Variants in ZNF534 observed in about 807,000 individuals in gnomAD.
The protein encoded by ZNF534 is zinc finger protein 534.
Under a neutral mutation model 13.6 loss-of-function variants are expected in ZNF534, and 19 were observed. The observed-to-expected ratio is 1.40, with a 90% confidence interval of 0.97 to 2.05. The LOEUF is 2.05. Among genes scored for constraint, ZNF534 ranks in the 30% most tolerant of loss-of-function variants. The pLI is 0.00. For missense variants in ZNF534, 782 were observed against 796.3 expected, an observed-to-expected ratio of 0.98 and a Z score of 0.22; for synonymous variants, 244 against 273.8, an observed-to-expected ratio of 0.89 and a Z score of 1.07.
chr19:52,442,008 G>A lies in ZNF534; in HGVS notation c.*2562G>A, dbSNP rs1264345147. ...AAATCATATAAATGTAATGTATGTGGCACAGGCTTTCCTGAGGCCTGCCAA... is the reference window on the plus strand; with the variant it reads ...AAATCATATAAATGTAATGTATGTGACACAGGCTTTCCTGAGGCCTGCCAA... On this transcript the variant is annotated 3_prime_UTR_variant, in exon 5 of 5. Transcript: ENST00000433050. Among the ~76,000 whole-genome samples, 5 of 151,618 alleles carry A rather than the reference G, an allele frequency of 3.3e-5. No individual in the cohort carries two copies. The highest frequency in any genetic ancestry group is 1.3e-4 in the Admixed American group (2 of 15,132).
rs773282959 is a variant in ZNF534, at chr19:52,437,806, C to T, written c.346C>T (p.His116Tyr). The T allele has an allele frequency of 5.0e-6, 8 of 1,612,874 alleles. No homozygotes were observed. Among genetic ancestry groups the T allele is most frequent in the South Asian group, 2.2e-5 (2 of 90,856 alleles). Residue 116 changes from histidine (H) to tyrosine (Y), a missense_variant, in exon 5 of 5, where the codon CAT becomes TAT. Physicochemically the swap from His to Tyr is moderately conservative, Grantham distance 83. Transcript: ENST00000433050. ...TCAACATGGATTAACTCTTCAGTTACATCTGACTGAATGGCAGCCATTTCA... is the reference window on the plus strand; with the variant it reads ...TCAACATGGATTAACTCTTCAGTTATATCTGACTGAATGGCAGCCATTTCA... ...KNQHGLTLQL[H>Y]LTEWQPFQAV...
chr19:52,437,371 C>T (rs1363807925), intron 4 of ZNF534, among the ~76,000 whole-genome samples: 1 of 152,120 alleles, frequency 6.6e-6, no homozygotes, highest in South Asian at 2.1e-4. Flanking sequence ...GTATTCCCAG[C>T]GCTTTGGGCG....
intron 4 of ZNF534, among the ~76,000 whole-genome samples, chr19:52,436,811 TTTG>T (rs1405801619): frequency 2.0e-5 from 3 of 152,180 alleles, no homozygotes; most frequent in Non-Finnish European, 4.4e-5. Flanking sequence ...TTCCCCTGTG[TTTG>T]TTATCCTCAT....
At chr19:52,443,501 T>A (rs1463673025), downstream of ZNF534, among the ~76,000 whole-genome samples, 1 of 152,176 alleles carries the variant, frequency 6.6e-6, no homozygotes, top group Non-Finnish European at 1.5e-5. Flanking sequence ...AGAAACCTCA[T>A]CTTACGTTGG....
chr19:52,437,905 C>T lies in ZNF534; in HGVS notation c.445C>T (p.Gln149Ter). 1 of 1,613,150 alleles carries T rather than the reference C, an allele frequency of 6.2e-7. No individual in the cohort carries two copies. The highest frequency in any genetic ancestry group is 8.5e-7 in the Non-Finnish European group (1 of 1,179,514). Residue 149 changes from glutamine to a stop codon, truncating the protein, a stop_gained, in exon 5 of 5, where the codon CAA becomes TAA. Transcript: ENST00000433050. LOFTEE classifies it low-confidence loss of function (END_TRUNC). Reference sequence around the variant, plus strand: ...TGACAATTCTTCAGTTTCACCAGTTCAAATAAGTTTTTTCAGTGTCAAAAC... The same window carrying T: ...TGACAATTCTTCAGTTTCACCAGTTTAAATAAGTTTTTTCAGTGTCAAAAC... ...ISDNSSVSPV[Q>*]ISFFSVKTHI... is the part of the protein sequence containing the mutation.
At chr19:52,451,829 C>G (rs2059218465) in exon 5 of ZNF534, 1 of 775,386 alleles carries the variant, frequency 1.3e-6, no homozygotes, top group Non-Finnish European at 2.2e-6. Context: ...AAAAGGTGAT[C>G]GAATTGCACA....
At chr19:52,429,505 G>A (rs1364112317) in intron 1 of ZNF534, among the ~76,000 whole-genome samples, 3 of 143,452 alleles carry the variant, frequency 2.1e-5, no homozygotes, top group South Asian at 2.2e-4. Context: ...TAATTATTCA[G>A]TCTAGTTGAT....
At chr19:52,443,401 G>A (rs929216498), downstream of ZNF534, among the ~76,000 whole-genome samples, 2 of 152,028 alleles carry the variant, frequency 1.3e-5, no homozygotes, top group Non-Finnish European at 2.9e-5. Context: ...TTATTCTTAG[G>A]TTTCATCGTT....
At position 52,441,252 on chromosome 19, in the gene ZNF534, C is replaced by T. The variant is rs377295415; in HGVS notation, c.*1806C>T. Among the ~76,000 whole-genome samples, 262 of 152,288 alleles carry T rather than the reference C, an allele frequency of 1.7e-3. 4 individuals carry two copies. Among genetic ancestry groups the T allele is most frequent in the South Asian group, 7.3e-3 (35 of 4,820 alleles). ...AATGTACTCCAGGCATGGTGGCTCA[C>T]ACCTATAATCCCAGCCCTTTGGGAG... is the stretch of plus-strand genomic sequence containing the variant. On this transcript the variant is annotated 3_prime_UTR_variant, in exon 5 of 5. Transcript: ENST00000433050.
At chr19:52,445,613 T>TA (rs925479383), downstream of ZNF534, among the ~76,000 whole-genome samples, 41 of 152,332 alleles carry the variant, frequency 2.7e-4, no homozygotes, top group African/African-American at 9.9e-4. Context: ...CTTTCCCACT[T>TA]ACACAGTTTG....
Position 52,437,807 on chromosome 19 carries a change from A to C in ZNF534, c.347A>C (p.His116Pro). ...CAACATGGATTAACTCTTCAGTTAC[A>C]TCTGACTGAATGGCAGCCATTTCAA... Reference protein sequence around the residue: ...KNQHGLTLQLHLTEWQPFQAV... With the variant: ...KNQHGLTLQLPLTEWQPFQAV... Residue 116 changes from histidine to proline, a missense_variant, in exon 5 of 5, where the codon CAT (histidine) becomes CCT (proline). Physicochemically the swap from His to Pro is moderately conservative, Grantham distance 77. Around this residue, in one of 5 missense-constraint regions of ZNF534, gnomAD observed 591 missense variants for 574.0 expected, o/e 1.03. Transcript: ENST00000433050. 1 of 1,613,394 alleles carries C rather than the reference A, an allele frequency of 6.2e-7. No individual in the cohort carries two copies. Among genetic ancestry groups the C allele is most frequent in the East Asian group, 2.2e-5 (1 of 44,854 alleles).
intron 4 of ZNF534, among the ~76,000 whole-genome samples, chr19:52,450,678 T>G (rs1312301145): frequency 5.5e-5 from 2 of 36,578 alleles, no homozygotes; most frequent in Non-Finnish European, 1.5e-4. Flanking sequence ...GAGTTTTTTT[T>G]TTTTTTGTTT....
At chr19:52,442,583 C>G (rs2059179964), downstream of ZNF534, among the ~76,000 whole-genome samples, 1 of 152,200 alleles carries the variant, frequency 6.6e-6, no homozygotes. Context: ...TTTAATTCCT[C>G]TAGCACCGCT....
At chr19:52,431,377 A>C in intron 1 of ZNF534, 31 bp from the exon 2 acceptor site, 1 of 1,538,814 alleles carries the variant, frequency 6.5e-7, no homozygotes, top group Non-Finnish European at 8.9e-7. Context: ...TGTTGATTCT[A>C]AGCCCTAAAC....
intron 3 of ZNF534, 180 bp downstream of exon 3, chr19:52,434,261 C>T (rs895238034): frequency 1.4e-5 from 11 of 811,894 alleles, no homozygotes; most frequent in African/African-American, 1.2e-4. Flanking sequence ...TTTGGGAGGC[C>T]GAGGCAAATG....
chr19:52,451,235 G>C (rs1300327633), exon 5 of ZNF534: 1 of 730,244 alleles, frequency 1.4e-6, no homozygotes, highest in African/African-American at 1.8e-5. Flanking sequence ...GTGGAAGCCT[G>C]GCGCGCGTCC....
chr19:52,438,632 T>C lies in ZNF534; in HGVS notation c.1172T>C (p.Phe391Ser). ...PYKCNECGKV[F>S]IGNSRLARHR... ...AAATGTAATGAGTGTGGCAAGGTCT[T>C]TATTGGCAATTCACGCCTTGCACGA... Residue 391 changes from phenylalanine to serine, a missense_variant, in exon 5 of 5, where the codon TTT becomes TCT. Physicochemically the swap from Phe to Ser is radical, Grantham distance 155. This residue lies in a region of ZNF534 where 591 missense variants were observed against 574.0 expected (regional missense o/e 1.03). Coordinates refer to ENST00000433050, the MANE Select transcript of ZNF534 (RefSeq NM_001143938.3). 1 of 1,589,384 alleles carries C rather than the reference T, an allele frequency of 6.3e-7. No individual in the cohort carries two copies. Among genetic ancestry groups the C allele is most frequent in the South Asian group, 1.1e-5 (1 of 88,554 alleles).
chr19:52,434,132 T>C (rs1282541942), intron 3 of ZNF534, 51 bp downstream of exon 3: 1 of 1,581,928 alleles, frequency 6.3e-7, no homozygotes, highest in Non-Finnish European at 8.6e-7. Flanking sequence ...TATATCTTTT[T>C]GCATTTTCTC....
rs2059178076 is a variant in ZNF534 at position 52,442,306 on chromosome 19, A to G, written c.*2860A>G. Reference sequence around the variant, plus strand: ...ACACCTGGCCCACCCAGGGCAGAAAAACCGCTTAAGGCGTTCCAGAACCAC... The same window carrying G: ...ACACCTGGCCCACCCAGGGCAGAAAGACCGCTTAAGGCGTTCCAGAACCAC... On this transcript the variant is annotated 3_prime_UTR_variant, in exon 5 of 5. Transcript: ENST00000433050. Among the ~76,000 whole-genome samples, 1 of 152,164 alleles carries G rather than the reference A, an allele frequency of 6.6e-6. No individual in the cohort carries two copies.
Sources: allele counts gnomAD v4.1 joint callset (sites outside exome capture counted in the v4.1 genomes callset), GRCh38; gene constraint gnomAD v4.1.1; regional missense constraint gnomAD v4.1.1; transcripts MANE v1.5; gene names NCBI Gene and HGNC (gene_info 2026-07-23, HGNC 2026-07-21).